SYNDIG1: variants seen among roughly 807,000 people sequenced by gnomAD.
SYNDIG1 encodes synapse differentiation inducing 1, also known as synapse differentiation-inducing gene protein 1.
Under a neutral mutation model 19.4 loss-of-function variants are expected in SYNDIG1, and 9 were observed. The observed-to-expected ratio is 0.46, with a 90% CI of 0.28 to 0.81. SYNDIG1 has a LOEUF of 0.81. SYNDIG1 is among the 30% of genes least tolerant of loss of function. SYNDIG1 has a pLI of 0.12. For missense variants in SYNDIG1, 311 were observed against 343.3 expected (o/e 0.91, Z 0.74); for synonymous variants, 141 against 145.9 (o/e 0.97, Z 0.24).
chr20:24,525,732 T>C (rs1360453113), intron 1 of SYNDIG1, among the ~76,000 whole-genome samples: 2 of 152,230 alleles, frequency 1.3e-5, no homozygotes, highest in African/African-American at 4.8e-5. Flanking sequence ...AAGTTTTATA[T>C]GTGCATTTTT....
chr20:24,508,282 G>T (rs1301827271), intron 1 of SYNDIG1, among the ~76,000 whole-genome samples: 1 of 126,070 alleles, frequency 7.9e-6, no homozygotes, highest in Admixed American at 9.7e-5. Flanking sequence ...AGGCTGGAGT[G>T]CAGTGGCACA....
chr20:24,476,335 TTTATTCTC>T (rs1445563828), intron 1 of SYNDIG1, among the ~76,000 whole-genome samples: 1 of 152,144 alleles, frequency 6.6e-6, no homozygotes, highest in Admixed American at 6.5e-5. Context: ...TATTTCTAAG[TTTATTCTC>T]TGCCCTTCAT....
chr20:24,597,120 C>A (rs2076454032), intron 3 of SYNDIG1: 1 of 152,616 alleles, frequency 6.6e-6, no homozygotes, highest in Admixed American at 6.5e-5. Flanking sequence ...CTCCTTCCTT[C>A]CCCTCGTGTC....
At chr20:24,609,921 C>T (rs2058820240) in intron 3 of SYNDIG1, among the ~76,000 whole-genome samples, 1 of 152,136 alleles carries the variant, frequency 6.6e-6, no homozygotes, top group African/African-American at 2.4e-5. Context: ...CTGCCATTAT[C>T]CTCCTTGCCA....
intron 2 of SYNDIG1, among the ~76,000 whole-genome samples, chr20:24,544,833 G>T (rs2057542191): frequency 6.6e-6 from 1 of 152,186 alleles, no homozygotes; most frequent in Non-Finnish European, 1.5e-5. Flanking sequence ...GACTCCTGGA[G>T]AAACTGCCCA....
chr20:24,599,206 C>A (rs180718731), intron 3 of SYNDIG1, among the ~76,000 whole-genome samples: 2 of 152,252 alleles, frequency 1.3e-5, no homozygotes, highest in Admixed American at 1.3e-4. Flanking sequence ...CAAAATAAGA[C>A]AAACTGCTAA....
intron 2 of SYNDIG1, among the ~76,000 whole-genome samples, chr20:24,575,221 T>C (rs949279862): frequency 6.6e-6 from 1 of 152,170 alleles, no homozygotes; most frequent in Non-Finnish European, 1.5e-5. Flanking sequence ...TGTCTATTGA[T>C]GATGGGAATT....
At chr20:24,504,683 C>T (rs1301803407) in intron 1 of SYNDIG1, among the ~76,000 whole-genome samples, 2 of 152,200 alleles carry the variant, frequency 1.3e-5, no homozygotes, top group Admixed American at 1.3e-4. Flanking sequence ...ACAGCTTCTA[C>T]TTCAAAGAAG....
intron 2 of SYNDIG1, among the ~76,000 whole-genome samples, chr20:24,561,347 G>A (rs1429353126): frequency 2.0e-5 from 3 of 152,100 alleles, no homozygotes; most frequent in Non-Finnish European, 4.4e-5. Flanking sequence ...ATTCCTGGTT[G>A]TCCTCCAATT....
chr20:24,493,519 G>A (rs892744778), intron 1 of SYNDIG1, among the ~76,000 whole-genome samples: 2 of 152,242 alleles, frequency 1.3e-5, no homozygotes, highest in Non-Finnish European at 2.9e-5. Context: ...ACACTGTGGT[G>A]AAGTTTGCTT....
At chr20:24,559,863 A>G (rs2057902163) in intron 2 of SYNDIG1, among the ~76,000 whole-genome samples, 1 of 150,102 alleles carries the variant, frequency 6.7e-6, no homozygotes, top group African/African-American at 2.5e-5. Flanking sequence ...GTTCGGGACA[A>G]GTCTTTTGTG....
intron 3 of SYNDIG1, among the ~76,000 whole-genome samples, chr20:24,617,035 C>G (rs1208417644): frequency 6.6e-6 from 1 of 152,178 alleles, no homozygotes; most frequent in Non-Finnish European, 1.5e-5. Flanking sequence ...CTCTGCGGCA[C>G]CCGTGCACTC....
intron 1 of SYNDIG1, among the ~76,000 whole-genome samples, chr20:24,524,564 T>G (rs1183564019): frequency 6.6e-6 from 1 of 151,212 alleles, no homozygotes. Context: ...GAGAACGGCG[T>G]GAACCCGGGA....
chr20:24,509,531 G>C (rs1225850573), intron 1 of SYNDIG1, among the ~76,000 whole-genome samples: 1 of 152,148 alleles, frequency 6.6e-6, no homozygotes, highest in Non-Finnish European at 1.5e-5. Flanking sequence ...GTTTTCTATA[G>C]TCAATGCTCA....
intron 1 of SYNDIG1, among the ~76,000 whole-genome samples, chr20:24,534,170 T>A (rs2057316203): frequency 6.6e-6 from 1 of 152,140 alleles, no homozygotes; most frequent in South Asian, 2.1e-4. Context: ...ACACTAGGGA[T>A]CACATTTCAA....
intron 3 of SYNDIG1, among the ~76,000 whole-genome samples, chr20:24,589,251 T>C (rs2058468194): frequency 6.6e-6 from 1 of 152,202 alleles, no homozygotes; most frequent in Non-Finnish European, 1.5e-5. Flanking sequence ...GGTGGAAAAT[T>C]ATTATCTCCA....
intron 1 of SYNDIG1, among the ~76,000 whole-genome samples, chr20:24,522,074 C>A (rs2057017304): frequency 6.6e-6 from 1 of 151,976 alleles, no homozygotes; most frequent in African/African-American, 2.4e-5. Context: ...TCATCCTGTT[C>A]TATCTTTTTT....
chr20:24,499,055 C>T (rs2056376069), intron 1 of SYNDIG1, among the ~76,000 whole-genome samples: 1 of 152,230 alleles, frequency 6.6e-6, no homozygotes, highest in African/African-American at 2.4e-5. Context: ...CGGAGTCTAG[C>T]TGTCGCAAGT....
intron 1 of SYNDIG1, among the ~76,000 whole-genome samples, chr20:24,481,391 G>A (rs1259440934): frequency 6.6e-6 from 1 of 152,168 alleles, no homozygotes; most frequent in Non-Finnish European, 1.5e-5. Context: ...GCCTGGACCA[G>A]GAGCACCTAC....
Sources: allele counts gnomAD v4.1 joint callset (sites outside exome capture counted in the v4.1 genomes callset), GRCh38; gene constraint gnomAD v4.1.1; transcripts MANE v1.5; gene names NCBI Gene and HGNC (gene_info 2026-07-23, HGNC 2026-07-21).